Variants in CLPP observed in about 807,000 individuals in gnomAD.
CLPP encodes the protein ATP-dependent Clp protease proteolytic subunit, mitochondrial.
In CLPP, 14 loss-of-function variants were observed where a neutral mutation model predicts 27.4. The observed-to-expected ratio is 0.51, with a 90% confidence interval of 0.34 to 0.80. The LOEUF (loss-of-function observed/expected upper bound fraction) is 0.80, where lower values mean the gene tolerates loss of function less well. Among genes scored for constraint, CLPP ranks in the 30% least tolerant of loss-of-function variants. CLPP has a pLI of 0.02. For missense variants in CLPP, 361 were observed against 403.6 expected (o/e 0.89, Z 0.90); for synonymous variants, 193 against 166.6 (o/e 1.16, Z -1.22).
At position 6,369,813 on chromosome 19, in the gene CLPP, G is replaced by A. The variant is rs1373127806; in HGVS notation, c.*1103G>A. Among the ~76,000 whole-genome samples the A allele has an allele frequency of 1.3e-5, 2 of 151,902 alleles. No individual in the cohort carries two copies. The highest frequency in any genetic ancestry group is 3.9e-4 in the East Asian group (2 of 5,192). On this transcript the variant is annotated 3_prime_UTR_variant, in exon 6 of 6. Coordinates refer to ENST00000245816, the MANE Select transcript of CLPP (RefSeq NM_006012.4). ...CTGTCTCCAAAAAAAAAAAAGTGGA[G>A]GTGATTGAGAATAGATCATAAAAGG...
At chr19:6,362,084 C>T (rs1163912257) in intron 2 of CLPP, 144 bp downstream of exon 2, 2 of 750,772 alleles carry the variant, frequency 2.7e-6, no homozygotes, top group African/African-American at 1.8e-5. Flanking sequence ...GACTCCCCTC[C>T]TGGCTCCCGG....
In CLPP at chr19:6,367,081, G is replaced by GA. The variant is rs199629299; in HGVS notation, c.661+727dup. On this transcript the variant is annotated intron_variant, in intron 5 of 5. Transcript: ENST00000245816. The stretch of plus-strand genomic sequence containing the variant: ...TAGTGAAACCCCATTTCATAGAAAA[G>GA]AAAAAAAAATTTTAGCTGGGCACCA... 4.0e-5 allele frequency among the ~76,000 whole-genome samples: 6 copies of GA among 150,996 alleles called. No individual in the cohort carries two copies. In the East Asian group the frequency reaches 7.9e-4, roughly 20 times the overall value.
chr19:6,367,147 T>G (rs1244231005), intron 5 of CLPP, among the ~76,000 whole-genome samples: 1 of 151,574 alleles, frequency 6.6e-6, no homozygotes, highest in Non-Finnish European at 1.5e-5. Context: ...GAGGCCGAGG[T>G]GGGCGGATCA....
At chr19:6,368,441 G>A in intron 5 of CLPP, 97 bp from the exon 6 acceptor site, 1 of 1,174,768 alleles carries the variant, frequency 8.5e-7, no homozygotes, top group Non-Finnish European at 1.2e-6. Context: ...TGAACTTGGG[G>A]TGGTGGGCAC....
rs1354608548 is a variant in CLPP, at chr19:6,361,712, G to C, written c.138G>C (p.Arg46=). The part of the protein sequence containing the change: ...RTLQNGLALQ[R]CLHATATRAL... ...TCCAGAACGGCCTGGCCCTGCAGCG[G>C]TGCCTGCACGCGACGGCGACCCGGG... The change falls in exon 1 of 6, where the codon CGG becomes CGC. Residue 46 remains arginine (R), a synonymous_variant. Transcript: ENST00000245816. 1 of 1,504,964 alleles carries C rather than the reference G, an allele frequency of 6.6e-7. No homozygotes were observed. Among genetic ancestry groups the C allele is most frequent in the African/African-American group, 1.4e-5 (1 of 72,188 alleles). The allele number at this position is 1,504,964 out of a possible 1,614,324, so 93.2% of individuals were successfully genotyped here.
intron 3 of CLPP, 107 bp downstream of exon 3, chr19:6,362,649 A>G: frequency 1.3e-6 from 1 of 780,342 alleles, no homozygotes; most frequent in Non-Finnish European, 2.2e-6. Context: ...GAAAGGGTGC[A>G]GAGCGTCAGA....
In CLPP at chr19:6,362,498, C is replaced by T. The variant is rs756127569; in HGVS notation, c.323C>T (p.Ser108Phe). The change falls in exon 3 of 6, where the codon TCC (serine) becomes TTC (phenylalanine). Residue 108 changes from serine (S) to phenylalanine (F), a missense_variant. Ser to Phe is a radical substitution (Grantham distance 155). Transcript: ENST00000245816. ...LVIAQLLFLQ[S>F]ESNKKPIHMY... ...ATCGCACAGCTCCTCTTCCTGCAATCCGAGAGCAACAAGAAGCCCATCCAC... is the reference window on the plus strand; with the variant it reads ...ATCGCACAGCTCCTCTTCCTGCAATTCGAGAGCAACAAGAAGCCCATCCAC... The T allele has an allele frequency of 1.9e-6, 3 of 1,613,984 alleles. No individual in the cohort carries two copies. The East Asian group carries it at 6.7e-5, about 36-fold the overall frequency.
At chr19:6,364,702 C>G in intron 4 of CLPP, 63 bp downstream of exon 4, 1 of 1,464,302 alleles carries the variant, frequency 6.8e-7, no homozygotes. Context: ...GAAGGACTGA[C>G]TGGGCGGAAG....
chr19:6,367,769 A>C (rs2091869712), intron 5 of CLPP, among the ~76,000 whole-genome samples: 1 of 147,470 alleles, frequency 6.8e-6, no homozygotes, highest in Non-Finnish European at 1.5e-5. Flanking sequence ...CCCAGGCTGG[A>C]GTGCAGTGGT....
rs1340152210 is a variant in CLPP at position 6,369,283 on chromosome 19, T to C, written c.*573T>C. Among the ~76,000 whole-genome samples, 2 of 151,982 alleles carry C rather than the reference T, an allele frequency of 1.3e-5. No individual in the cohort carries two copies. The highest frequency in any genetic ancestry group is 4.8e-5 in the African/African-American group (2 of 41,394). ...TAAAAATACAAAAATTAGCCGAGCG[T>C]GGTGCACCTGTAATCCCAGCTACTC... On this transcript the variant is annotated 3_prime_UTR_variant, in exon 6 of 6. Transcript: ENST00000245816.
At chr19:6,362,210 C>G (rs550555374) in intron 2 of CLPP, 1 of 601,938 alleles carries the variant, frequency 1.7e-6, no homozygotes, top group Admixed American at 2.9e-5. Context: ...CCCAGCCATT[C>G]TCACCCCTTC....
Position 6,364,577 on chromosome 19 carries a change from G to C in CLPP, c.493G>C (p.Gly165Arg). The change falls in exon 4 of 6, where the codon GGC becomes CGC. Residue 165 changes from glycine to arginine, a missense_variant. By Grantham distance (125) the Gly-to-Arg change is moderately radical (BLOSUM62 -2). Around this residue, in one of 2 missense-constraint regions of CLPP, gnomAD observed 213 missense variants for 280.9 expected, o/e 0.76. Transcript: ENST00000245816. The stretch of plus-strand genomic sequence containing the variant: ...CCTGCTTCTCGCCGCCGGCACCCCA[G>C]GCATGCGCCACTCGCTCCCCAACTC... ...GSLLLAAGTP[G>R]MRHSLPNSRI... 1 of 1,613,218 alleles carries C rather than the reference G, an allele frequency of 6.2e-7. No homozygotes were observed. The highest frequency in any genetic ancestry group is 8.5e-7 in the Non-Finnish European group (1 of 1,179,906).
At chr19:6,365,167 T>C (rs1391467246) in intron 4 of CLPP, 1 of 150,606 alleles carries the variant, frequency 6.6e-6, no homozygotes, top group Non-Finnish European at 1.5e-5. Context: ...TAATGAGACC[T>C]TGTCTCTATT....
intron 3 of CLPP, among the ~76,000 whole-genome samples, 167 bp from the exon 4 acceptor site, chr19:6,364,285 C>T (rs1043346302): frequency 6.6e-6 from 1 of 152,110 alleles, no homozygotes; most frequent in Non-Finnish European, 1.5e-5. Flanking sequence ...CTGCCTCAGC[C>T]TCCCAAAGTG....
chr19:6,368,423 T>TCAA, intron 5 of CLPP, 115 bp from the exon 6 acceptor site: 1 of 996,548 alleles, frequency 1.0e-6, no homozygotes, highest in Non-Finnish European at 1.5e-6. Context: ...GGATGGGGCT[T>TCAA]CAACATATGA....
chr19:6,363,932 C>T (rs1431182815), intron 3 of CLPP, among the ~76,000 whole-genome samples: 1 of 151,250 alleles, frequency 6.6e-6, no homozygotes, highest in Non-Finnish European at 1.5e-5. Flanking sequence ...GGCATGGTGG[C>T]TCACACGTGT....
chr19:6,365,784 A>T (rs1469518886), intron 4 of CLPP, among the ~76,000 whole-genome samples: 1 of 149,780 alleles, frequency 6.7e-6, no homozygotes, highest in Non-Finnish European at 1.5e-5. Context: ...GTACCACTGC[A>T]TTCCAGCCCC....
chr19:6,361,903 G>C lies in CLPP; in HGVS notation c.233G>C (p.Arg78Pro), dbSNP rs1599193093. 6.3e-7 allele frequency: 1 copy of C among 1,598,380 alleles called. No homozygotes were observed. The highest frequency in any genetic ancestry group is 8.5e-7 in the Non-Finnish European group (1 of 1,179,438). Residue 78 changes from arginine (R) to proline (P), a missense_variant, in exon 2 of 6, where the codon CGG (arginine) becomes CCG (proline). Arg to Pro is a moderately radical substitution (Grantham distance 103). Coordinates refer to ENST00000245816, the MANE Select transcript of CLPP (RefSeq NM_006012.4). ...RGERAYDIYS[R>P]LLRERIVCVM... ...GAGCGCGCCTATGACATCTACTCGC[G>C]GCTGCTGCGGGAGCGCATCGTGTGC...
rs1464468643 is a variant in CLPP at position 6,368,520 on chromosome 19, C to T, written c.662-18C>T. ...CTGCTCTTACCCTAATGTGTCTCAC[C>T]TCCTGCTTCCCCACCAGAGTCCGCC... On this transcript the variant is annotated intron_variant, in intron 5 of 5. Coordinates refer to ENST00000245816, the MANE Select transcript of CLPP (RefSeq NM_006012.4). The T allele has an allele frequency of 2.5e-6, 4 of 1,613,810 alleles. No individual in the cohort carries two copies. The highest frequency in any genetic ancestry group is 3.4e-6 in the Non-Finnish European group (4 of 1,179,946).
Sources: allele counts gnomAD v4.1 joint callset (sites outside exome capture counted in the v4.1 genomes callset), GRCh38; gene constraint gnomAD v4.1.1; regional missense constraint gnomAD v4.1.1; transcripts MANE v1.5; gene names NCBI Gene and HGNC (gene_info 2026-07-23, HGNC 2026-07-21).